CDKL3: variants seen among roughly 807,000 people sequenced by gnomAD.
CDKL3 encodes cyclin-dependent kinase-like 3.
Under a neutral mutation model 69.3 loss-of-function variants are expected in CDKL3, and 65 were observed. That is an observed-to-expected ratio of 0.94 (90% confidence interval 0.77 to 1.15). The LOEUF is 1.15. Ranked by LOEUF, CDKL3 falls within the 50% of genes most tolerant of loss-of-function variation. The probability of loss-of-function intolerance (pLI) is 0.00; values close to 1 mark genes in which losing one functional copy is unlikely to be tolerated. For synonymous variants in CDKL3, 202 were observed against 221.6 expected, an observed-to-expected ratio of 0.91 and a Z score of 0.79; for missense variants, 652 against 689.2, an observed-to-expected ratio of 0.95 and a Z score of 0.61.
intron 4 of CDKL3, 135 bp from the exon 5 acceptor site, chr5:134,322,038 G>A (rs1314881121): frequency 6.4e-6 from 4 of 620,168 alleles, no homozygotes; most frequent in Middle Eastern, 4.0e-4. Flanking sequence ...GTTTTTTTTC[G>A]AGACCGAGTC....
intron 9 of CDKL3, 191 bp downstream of exon 9, chr5:134,307,947 A>C: frequency 1.3e-6 from 1 of 783,314 alleles, no homozygotes; most frequent in Non-Finnish European, 1.8e-6. Context: ...AAACATCTAT[A>C]TGGCCAAGAA....
downstream of CDKL3, among the ~76,000 whole-genome samples, chr5:134,297,053 G>A (rs1211892505): frequency 3.3e-5 from 5 of 149,714 alleles, no homozygotes; most frequent in East Asian, 7.9e-4. Flanking sequence ...CCGGATTCAA[G>A]TGATTCTCCT....
intron 3 of CDKL3, among the ~76,000 whole-genome samples, chr5:134,351,660 T>C (rs1753345587): frequency 6.6e-6 from 1 of 152,176 alleles, no homozygotes; most frequent in Non-Finnish European, 1.5e-5. Flanking sequence ...AGGGTCTGGT[T>C]ATGTTGCTCA....
intron 8 of CDKL3, among the ~76,000 whole-genome samples, chr5:134,288,668 C>T (rs1004629292): frequency 6.6e-6 from 1 of 152,144 alleles, no homozygotes; most frequent in Non-Finnish European, 1.5e-5. Flanking sequence ...ATTCTTCATC[C>T]TTGAAGAAGA....
intron 9 of CDKL3, among the ~76,000 whole-genome samples, chr5:134,307,100 G>C (rs1768093673): frequency 6.6e-6 from 1 of 152,120 alleles, no homozygotes; most frequent in South Asian, 2.1e-4. Context: ...TTATGGCTTG[G>C]AAGTCTACTG....
At chr5:134,317,582 C>A (rs1233690273) in intron 6 of CDKL3, among the ~76,000 whole-genome samples, 2 of 152,124 alleles carry the variant, frequency 1.3e-5, no homozygotes, top group African/African-American at 4.8e-5. Context: ...AACGATCACA[C>A]CATTGCACTC....
chr5:134,329,546 T>G (rs1027234570), intron 4 of CDKL3, among the ~76,000 whole-genome samples: 4 of 151,758 alleles, frequency 2.6e-5, no homozygotes, highest in Admixed American at 2.0e-4. Flanking sequence ...TGCAGCTCAC[T>G]GCAAGCTCCG....
chr5:134,307,991 AC>A (rs1768343887), intron 9 of CDKL3, 146 bp downstream of exon 9: 2 of 1,252,742 alleles, frequency 1.6e-6, no homozygotes, highest in Admixed American at 3.3e-5. Context: ...CATAAGAAAC[AC>A]TCAGTAAATG....
chr5:134,301,075 G>A (rs181354132), intron 12 of CDKL3, among the ~76,000 whole-genome samples: 30 of 151,616 alleles, frequency 2.0e-4, no homozygotes, highest in Admixed American at 5.9e-4. Flanking sequence ...AGCTCACTGC[G>A]CAACCTCCGC....
At chr5:134,303,186 G>A (rs923063526) in intron 11 of CDKL3, among the ~76,000 whole-genome samples, 3 of 151,912 alleles carry the variant, frequency 2.0e-5, no homozygotes, top group African/African-American at 2.4e-5. Context: ...CCGCCTCCCG[G>A]TTTCAAGTGA....
intron 2 of CDKL3, among the ~76,000 whole-genome samples, chr5:134,365,472 T>C (rs570077827): frequency 6.6e-6 from 1 of 152,290 alleles, no homozygotes; most frequent in East Asian, 1.9e-4. Flanking sequence ...ACTTTACTTT[T>C]CATTCACATT....
At chr5:134,354,245 GT>G (rs2149616234) in intron 3 of CDKL3, among the ~76,000 whole-genome samples, 1 of 152,292 alleles carries the variant, frequency 6.6e-6, no homozygotes, top group East Asian at 1.9e-4. Flanking sequence ...CAACTGTCTT[GT>G]TCAATTAATA....
chr5:134,295,001 A>AT (rs1171203504), downstream of CDKL3, among the ~76,000 whole-genome samples: 58 of 131,774 alleles, frequency 4.4e-4, no homozygotes, highest in African/African-American at 1.3e-3. Context: ...GGAAGACTTG[A>AT]TTTTTTTTTC....
chr5:134,359,056 C>A (rs545910858), intron 3 of CDKL3, among the ~76,000 whole-genome samples: 1 of 152,058 alleles, frequency 6.6e-6, no homozygotes, highest in African/African-American at 2.4e-5. Flanking sequence ...GAGGCTGAGG[C>A]GGGCAAATCA....
At chr5:134,309,752 A>G (rs1052932177) in intron 7 of CDKL3, among the ~76,000 whole-genome samples, 3 of 152,202 alleles carry the variant, frequency 2.0e-5, no homozygotes, top group Non-Finnish European at 2.9e-5. Flanking sequence ...CCACAATAAT[A>G]GAAGCCTAAT....
In CDKL3 at chr5:134,308,299, T is replaced by C; in HGVS notation, c.1203A>G (p.Val401=). ...VHPMSPDTKL[V]TIEPPNPINP... ...TGATAGGGTTTGGTGGTTCAATGGTTACAAGTTTTGTATCTGGAGACATAG... is the reference window on the plus strand; with the variant it reads ...TGATAGGGTTTGGTGGTTCAATGGTCACAAGTTTTGTATCTGGAGACATAG... The change falls in exon 9 of 13, where the codon GTA becomes GTG. Residue 401 remains valine, a synonymous_variant. Coordinates refer to ENST00000265334, the MANE Select transcript of CDKL3 (RefSeq NM_001113575.2). 1.2e-6 allele frequency: 2 copies of C among 1,613,974 alleles called. No individual in the cohort carries two copies. Among genetic ancestry groups the C allele is most frequent in the Non-Finnish European group, 8.5e-7 (1 of 1,179,866 alleles).
At chr5:134,285,192 C>T (rs1764808844), downstream of CDKL3, among the ~76,000 whole-genome samples, 1 of 152,214 alleles carries the variant, frequency 6.6e-6, no homozygotes, top group African/African-American at 2.4e-5. Context: ...TCTCACAGCT[C>T]CACTAGGTGG....
intron 3 of CDKL3, among the ~76,000 whole-genome samples, chr5:134,352,149 CT>C (rs1753455832): frequency 6.6e-6 from 1 of 152,150 alleles, no homozygotes; most frequent in South Asian, 2.1e-4. Context: ...TATTTGTCCT[CT>C]GTATGACTTA....
intron 4 of CDKL3, among the ~76,000 whole-genome samples, chr5:134,348,397 C>G (rs1752459216): frequency 6.6e-6 from 1 of 152,054 alleles, no homozygotes; most frequent in Non-Finnish European, 1.5e-5. Context: ...GTGAGATATT[C>G]TGTGTCTGTG....
Sources: allele counts gnomAD v4.1 joint callset (sites outside exome capture counted in the v4.1 genomes callset), GRCh38; gene constraint gnomAD v4.1.1; transcripts MANE v1.5; gene names NCBI Gene and HGNC (gene_info 2026-07-23, HGNC 2026-07-21).